Variants in GLDC observed in about 807,000 individuals in gnomAD.
GLDC encodes the protein glycine decarboxylase, also known as glycine dehydrogenase (decarboxylating), mitochondrial.
GLDC carries 104 observed loss-of-function variants against 121.3 expected under a neutral mutation model. The ratio of observed to expected loss-of-function variants is 0.86; its 90% CI spans 0.73 to 1.01. The LOEUF is 1.01. Among genes scored for constraint, GLDC ranks in the 50% least tolerant of loss-of-function variants. GLDC has a pLI of 0.00. For missense variants in GLDC, 1,429 were observed against 1,306.6 expected (o/e 1.09, Z -1.44); for synonymous variants, 546 against 480.6 (o/e 1.14, Z -1.78).
At chr9:6,622,609 C>A (rs1358865933) in intron 2 of GLDC, among the ~76,000 whole-genome samples, 2 of 152,254 alleles carry the variant, frequency 1.3e-5, no homozygotes, top group African/African-American at 4.8e-5. Context: ...CACCTCCCAG[C>A]CGCCTGCCTT....
At chr9:6,547,582 T>G (rs560791759) in intron 21 of GLDC, among the ~76,000 whole-genome samples, 1 of 152,172 alleles carries the variant, frequency 6.6e-6, no homozygotes, top group Non-Finnish European at 1.5e-5. Flanking sequence ...AAAGCTTCAG[T>G]GCATTTATAT....
At chr9:6,594,575 A>C (rs979940212) in intron 9 of GLDC, among the ~76,000 whole-genome samples, 35 of 152,064 alleles carry the variant, frequency 2.3e-4, no homozygotes, top group African/African-American at 8.4e-4. Flanking sequence ...GTGTACCTTA[A>C]TCCCAGTTAC....
At position 6,558,761 on chromosome 9, in the gene GLDC, A is replaced by T; in HGVS notation, c.1927-77T>A. ...AATAATGACAGAAAAGTACTACAACATGCTTGTAGCACAAATTAGACACCA... is the reference window on the plus strand; with the variant it reads ...AATAATGACAGAAAAGTACTACAACTTGCTTGTAGCACAAATTAGACACCA... On this transcript the variant is annotated intron_variant, in intron 16 of 24. Transcript: ENST00000321612. The T allele has an allele frequency of 3.4e-6, 5 of 1,471,036 alleles. No homozygotes were observed. In the Admixed American group the frequency reaches 5.1e-5, roughly 15 times the overall value. 91.1% of individuals were successfully genotyped at this position (1,471,036 alleles called of 1,614,324 possible). A position where few individuals can be genotyped will look rare whatever the true frequency, so the allele number is the denominator to read the frequency against.
chr9:6,644,058 AAAAAGAAAAG>A (rs1474161849), intron 2 of GLDC, among the ~76,000 whole-genome samples: 2 of 145,614 alleles, frequency 1.4e-5, no homozygotes. Context: ...AAACGAAAAA[AAAAAGAAAAG>A]AAAAGAAAAA....
intron 2 of GLDC, among the ~76,000 whole-genome samples, chr9:6,635,685 C>A (rs895840812): frequency 6.6e-6 from 1 of 151,594 alleles, no homozygotes; most frequent in African/African-American, 2.4e-5. Context: ...CCAGCCTGGG[C>A]AACATATTGA....
At chr9:6,621,256 A>C (rs1031219987) in intron 2 of GLDC, among the ~76,000 whole-genome samples, 8 of 152,180 alleles carry the variant, frequency 5.3e-5, no homozygotes, top group Admixed American at 5.2e-4. Flanking sequence ...AAGAAGTATA[A>C]ATGTACTTGG....
chr9:6,575,773 G>A (rs979853772), intron 15 of GLDC, among the ~76,000 whole-genome samples: 2 of 152,152 alleles, frequency 1.3e-5, no homozygotes, highest in African/African-American at 4.8e-5. Context: ...CTTTCTGTCT[G>A]CCTTAAACAT....
intron 8 of GLDC, among the ~76,000 whole-genome samples, chr9:6,599,586 T>G (rs1818558751): frequency 6.6e-6 from 1 of 151,800 alleles, no homozygotes; most frequent in Non-Finnish European, 1.5e-5. Context: ...TTGGGCATGG[T>G]GGCAGGCGCC....
intron 11 of GLDC, among the ~76,000 whole-genome samples, chr9:6,591,584 T>C (rs1818375305): frequency 6.6e-6 from 1 of 152,178 alleles, no homozygotes. Context: ...AGGCAGTTTC[T>C]TTCTTTTTTC....
At chr9:6,611,548 T>C (rs954977561) in intron 3 of GLDC, among the ~76,000 whole-genome samples, 1 of 103,628 alleles carries the variant, frequency 9.6e-6, no homozygotes, top group South Asian at 3.4e-4. Flanking sequence ...AGAGCAAGAC[T>C]CCGTCTCAAA....
At chr9:6,610,704 A>T (rs1438672134) in intron 3 of GLDC, among the ~76,000 whole-genome samples, 1 of 152,138 alleles carries the variant, frequency 6.6e-6, no homozygotes, top group Non-Finnish European at 1.5e-5. Context: ...GGCTCAAGAG[A>T]TCCTCTGGCC....
chr9:6,573,851 T>C (rs928593872), intron 15 of GLDC, among the ~76,000 whole-genome samples: 1 of 152,186 alleles, frequency 6.6e-6, no homozygotes, highest in Non-Finnish European at 1.5e-5. Flanking sequence ...TGGGTGCAGA[T>C]TCCTATCTAC....
At chr9:6,585,057 A>T (rs1818241169) in intron 15 of GLDC, 1 of 152,102 alleles carries the variant, frequency 6.6e-6, no homozygotes, top group Non-Finnish European at 1.5e-5. Context: ...CCCTTCCCTC[A>T]CCCCAGTCAT....
chr9:6,626,297 G>T (rs1819235606), intron 2 of GLDC, among the ~76,000 whole-genome samples: 2 of 152,298 alleles, frequency 1.3e-5, no homozygotes, highest in South Asian at 2.1e-4. Flanking sequence ...CCAGGAAGGG[G>T]GTGGGGCACC....
At position 6,545,070 on chromosome 9, in the gene GLDC, G is replaced by A. The variant is rs188685383; in HGVS notation, c.2570-4924C>T. 6.0e-5 allele frequency among the ~76,000 whole-genome samples: 9 copies of A among 150,744 alleles called. 1 individual carries two copies. Among genetic ancestry groups the A allele is most frequent in the Admixed American group, 5.3e-4 (8 of 15,056 alleles). The stretch of plus-strand genomic sequence containing the variant: ...GCTGAGATTGCGCCATTGCAATCCA[G>A]TCTGGGTAACAAGAGCGAAACTCTG... On this transcript the variant is annotated intron_variant, in intron 21 of 24. Coordinates refer to ENST00000321612, the MANE Select transcript of GLDC (RefSeq NM_000170.3).
chr9:6,612,261 ACT>A (rs921065319), intron 3 of GLDC, among the ~76,000 whole-genome samples: 33 of 151,230 alleles, frequency 2.2e-4, no homozygotes, highest in African/African-American at 6.8e-4. Context: ...TCTCACACAC[ACT>A]CACACACATA....
At chr9:6,564,585 G>A (rs1026980570) in intron 16 of GLDC, among the ~76,000 whole-genome samples, 9 of 152,142 alleles carry the variant, frequency 5.9e-5, no homozygotes, top group African/African-American at 1.9e-4. Flanking sequence ...GCTCCTAGGC[G>A]ATGCTCCTAT....
At chr9:6,603,727 C>CTTTTTTTTCCT (rs1818669453) in intron 7 of GLDC, among the ~76,000 whole-genome samples, 2 of 143,120 alleles carry the variant, frequency 1.4e-5, no homozygotes, top group Non-Finnish European at 3.0e-5. Context: ...CTTTTTTTTC[C>CTTTTTTTTCCT]TTTTTTTTCT....
chr9:6,548,032 G>A (rs1050981773), intron 21 of GLDC, among the ~76,000 whole-genome samples: 4 of 152,002 alleles, frequency 2.6e-5, no homozygotes, highest in Admixed American at 6.6e-5. Context: ...CCAGCTACTT[G>A]GGAGGATGAG....
Sources: allele counts gnomAD v4.1 joint callset (sites outside exome capture counted in the v4.1 genomes callset), GRCh38; gene constraint gnomAD v4.1.1; transcripts MANE v1.5; gene names NCBI Gene and HGNC (gene_info 2026-07-23, HGNC 2026-07-21).